Variants in MIB1 observed in about 807,000 individuals in gnomAD.
MIB1 encodes the protein E3 ubiquitin-protein ligase MIB1.
A neutral mutation model predicts 124.5 loss-of-function variants in MIB1; 278 were observed. That is an observed-to-expected ratio of 2.23 (90% CI 2.02 to 2.47). The LOEUF (loss-of-function observed/expected upper bound fraction) is 2.47, where lower values mean the gene tolerates loss of function less well. MIB1 is among the 30% of genes most tolerant of loss of function. MIB1 has a pLI of 0.00. For missense variants in MIB1, 957 were observed against 1,254.4 expected (o/e 0.76, Z 3.58); for synonymous variants, 446 against 429.4 (o/e 1.04, Z -0.48).
At position 21,765,791 on chromosome 18, in the gene MIB1, C is replaced by T. The variant is rs185843324; in HGVS notation, c.249C>T (p.Thr83=). The T allele has an allele frequency of 5.6e-6, 9 of 1,613,926 alleles. No individual in the cohort carries two copies. In the Admixed American group the frequency reaches 1.5e-4, roughly 27 times the overall value. The change falls in exon 2 of 21, where the codon ACC becomes ACT. Residue 83 remains threonine, a synonymous_variant. Transcript: ENST00000261537. The part of the protein sequence containing the change: ...SAPTGIKHDG[T]MCDTCRQQPI... ...TAATAGGCATCAAGCATGATGGAACCATGTGTGATACCTGCCGCCAGCAAC... is the reference window on the plus strand; with the variant it reads ...TAATAGGCATCAAGCATGATGGAACTATGTGTGATACCTGCCGCCAGCAAC...
intron 12 of MIB1, among the ~76,000 whole-genome samples, chr18:21,825,207 G>A (rs560456876): frequency 3.4e-4 from 52 of 152,098 alleles, no homozygotes; most frequent in African/African-American, 1.2e-3. Flanking sequence ...GGTAAATAGC[G>A]GTAAAATTAA....
chr18:21,843,166 A>G lies in MIB1; in HGVS notation c.1998A>G (p.Gln666=), dbSNP rs763505788. 5.6e-6 allele frequency: 9 copies of G among 1,606,100 alleles called. No homozygotes were observed. In the Admixed American group the frequency reaches 8.6e-5, roughly 15 times the overall value. ...ACCTGGATATCCAGAATGTGAACCA[A>G]CAAACTGCCCTACACCTTGCTGTTG... ...NANLDIQNVN[Q]QTALHLAVER... Residue 666 remains glutamine, a synonymous_variant, in exon 14 of 21, where the codon CAA becomes CAG. Coordinates refer to ENST00000261537, the MANE Select transcript of MIB1 (RefSeq NM_020774.4).
intron 1 of MIB1, among the ~76,000 whole-genome samples, chr18:21,719,508 GCGATCTCTGCAC>G (rs1318875724): frequency 6.6e-6 from 1 of 151,960 alleles, no homozygotes; most frequent in Non-Finnish European, 1.5e-5. Flanking sequence ...GTGCAGCGGT[GCGATCTCTGCAC>G]ACTGCAACCT....
intron 12 of MIB1, among the ~76,000 whole-genome samples, chr18:21,837,930 T>G (rs371952383): frequency 1.3e-5 from 2 of 152,348 alleles, no homozygotes; most frequent in African/African-American, 4.8e-5. Context: ...ATTAACTCTT[T>G]CATTAATAAA....
intron 6 of MIB1, among the ~76,000 whole-genome samples, chr18:21,789,197 C>T (rs1054955641): frequency 6.6e-6 from 1 of 151,964 alleles, no homozygotes; most frequent in African/African-American, 2.4e-5. Flanking sequence ...CTCCCAGCTT[C>T]TGGTGGTTCC....
chr18:21,835,840 A>ACACACACACACACAAACAC (rs1555695330), intron 12 of MIB1, among the ~76,000 whole-genome samples: 1,525 of 108,018 alleles, frequency 0.014, 41 homozygotes, highest in East Asian at 0.022. Context: ...CACACACACA[A>ACACACACACACACAAACAC]ACACACACGA....
chr18:21,857,220 C>T lies in MIB1; in HGVS notation c.2756C>T (p.Ser919Leu). 4 of 1,613,316 alleles carry T rather than the reference C, an allele frequency of 2.5e-6. No individual in the cohort carries two copies. Among genetic ancestry groups the T allele is most frequent in the Non-Finnish European group, 3.4e-6 (4 of 1,179,300 alleles). Reference protein sequence around the residue: ...PFIMCCGGKSSEDATDDISSG... With the variant: ...PFIMCCGGKSLEDATDDISSG... ...ATTATGTGCTGTGGAGGGAAAAGTTCAGAAGATGCCACTGATGATATCTGT... is the reference window on the plus strand; with the variant it reads ...ATTATGTGCTGTGGAGGGAAAAGTTTAGAAGATGCCACTGATGATATCTGT... The change falls in exon 19 of 21, where the codon TCA becomes TTA. Residue 919 changes from serine (S) to leucine (L), a missense_variant. Transcript: ENST00000261537.
At chr18:21,754,949 T>C (rs2041014139) in intron 1 of MIB1, among the ~76,000 whole-genome samples, 1 of 152,136 alleles carries the variant, frequency 6.6e-6, no homozygotes, top group South Asian at 2.1e-4. Context: ...GGGTCTACAG[T>C]ATTTCTGACA....
chr18:21,851,827 CTGAGGAAATAAT>C (rs1395928682), intron 17 of MIB1, among the ~76,000 whole-genome samples: 1 of 152,074 alleles, frequency 6.6e-6, no homozygotes, highest in Non-Finnish European at 1.5e-5. Context: ...GAAGTATAAC[CTGAGGAAATAAT>C]TGGAGGAAAA....
intron 6 of MIB1, among the ~76,000 whole-genome samples, chr18:21,783,771 A>G (rs1464339407): frequency 6.6e-6 from 1 of 151,564 alleles, no homozygotes; most frequent in Non-Finnish European, 1.5e-5. Flanking sequence ...TTTTGAGACA[A>G]GGTCTCACTC....
intron 1 of MIB1, among the ~76,000 whole-genome samples, chr18:21,765,018 A>T (rs1270565991): frequency 2.0e-5 from 3 of 152,234 alleles, no homozygotes; most frequent in Non-Finnish European, 4.4e-5. Flanking sequence ...TTAATATAAC[A>T]ATAGAATAGT....
upstream of MIB1, chr18:21,704,926 T>G: frequency 1.3e-5 from 4 of 299,018 alleles, no homozygotes; most frequent in East Asian, 1.1e-4. Context: ...AGAAGCGCGG[T>G]TCCAAGACCG....
chr18:21,731,553 G>A (rs551220976), intron 1 of MIB1, among the ~76,000 whole-genome samples: 9 of 152,108 alleles, frequency 5.9e-5, no homozygotes, highest in South Asian at 2.1e-4. Flanking sequence ...CTAACACGGT[G>A]AAACCCCGTC....
intron 1 of MIB1, among the ~76,000 whole-genome samples, chr18:21,715,709 G>T (rs59121665): frequency 0.031 from 4,652 of 152,016 alleles, 267 homozygotes; most frequent in African/African-American, 0.11. Flanking sequence ...CTTATAGAAT[G>T]CAAAATGCTC....
intron 6 of MIB1, among the ~76,000 whole-genome samples, chr18:21,787,573 A>G (rs1258775423): frequency 6.6e-6 from 1 of 152,028 alleles, no homozygotes; most frequent in Non-Finnish European, 1.5e-5. Context: ...CAGTGTAGAG[A>G]CTGTGATTCC....
At chr18:21,767,649 G>A (rs2041177649) in intron 2 of MIB1, among the ~76,000 whole-genome samples, 1 of 151,930 alleles carries the variant, frequency 6.6e-6, no homozygotes, top group Admixed American at 6.6e-5. Context: ...CCAGGTTCAC[G>A]CCATTCTCCT....
chr18:21,769,616 G>C (rs1195517514), intron 3 of MIB1, among the ~76,000 whole-genome samples: 1 of 152,104 alleles, frequency 6.6e-6, no homozygotes, highest in Non-Finnish European at 1.5e-5. Flanking sequence ...TTAGCTTACT[G>C]TCTCTTTTGG....
chr18:21,777,252 G>A (rs1019148778), intron 4 of MIB1, among the ~76,000 whole-genome samples: 4 of 151,852 alleles, frequency 2.6e-5, no homozygotes, highest in African/African-American at 9.7e-5. Context: ...AACCCTGTCT[G>A]TACTAAAAAT....
chr18:21,803,961 CAT>C lies in MIB1; in HGVS notation c.1427_1428del (p.His476ArgfsTer2). On this transcript the variant is annotated frameshift_variant, in exon 10 of 21. Transcript: ENST00000261537. LOFTEE classifies it high-confidence loss of function. ...TATGCAAGCTGCTAGTCAGAATGGA[CAT>C]GTTGACATTTTGAAGTTACTTTTGA... ...TAMQAASQNG[H>X]VDILKLLLKQ... The C allele has an allele frequency of 1.2e-6, 2 of 1,613,706 alleles. No individual in the cohort carries two copies. The highest frequency in any genetic ancestry group is 1.1e-5 in the South Asian group (1 of 91,072).
Sources: allele counts gnomAD v4.1 joint callset (sites outside exome capture counted in the v4.1 genomes callset), GRCh38; gene constraint gnomAD v4.1.1; transcripts MANE v1.5; gene names NCBI Gene and HGNC (gene_info 2026-07-23, HGNC 2026-07-21).